Variants in SEMA5B observed in about 807,000 individuals in gnomAD.
SEMA5B encodes the protein semaphorin 5B.
In SEMA5B, 66 loss-of-function variants were observed where a neutral mutation model predicts 135.0. That is an observed-to-expected ratio of 0.49 (90% CI 0.40 to 0.60). The LOEUF (loss-of-function observed/expected upper bound fraction) is 0.60, where lower values mean the gene tolerates loss of function less well. Ranked by LOEUF, SEMA5B falls within the 20% of genes least tolerant of loss-of-function variation. The pLI is 0.00. For synonymous variants in SEMA5B, 690 were observed against 639.5 expected (o/e 1.08, Z -1.19); for missense variants, 1,501 against 1,566.3 (o/e 0.96, Z 0.70).
In SEMA5B at chr3:122,943,426, C is replaced by T; in HGVS notation, c.428+10G>A. 1 of 1,582,736 alleles carries T rather than the reference C, an allele frequency of 6.3e-7. No individual in the cohort carries two copies. The highest frequency in any genetic ancestry group is 8.6e-7 in the Non-Finnish European group (1 of 1,160,786). On this transcript the variant is annotated intron_variant, in intron 4 of 22. Coordinates refer to ENST00000357599, the MANE Select transcript of SEMA5B (RefSeq NM_001031702.4). ...GCACTTCCCACCCCGACCCTTCTGC[C>T]CCTTGTTACCTGGCTCCCACGATGA... is the stretch of plus-strand genomic sequence containing the variant.
At position 123,023,456 on chromosome 3, in the gene SEMA5B, C is replaced by T. The variant is rs111495286; in HGVS notation, c.-39+4008G>A. The stretch of plus-strand genomic sequence containing the variant: ...GATCTTTAAGTATAAGTAACACTCC[C>T]TCCAAGCACTTGTGCATCCCCAGAG... On this transcript the variant is annotated intron_variant, in intron 1 of 22. Transcript: ENST00000357599. 8.2e-3 allele frequency among the ~76,000 whole-genome samples: 1,253 copies of T among 152,300 alleles called. 16 individuals are homozygous for T. Among genetic ancestry groups the T allele is most frequent in the African/African-American group, 0.029 (1,189 of 41,546 alleles).
At chr3:122,966,882 T>TATA (rs1341699893) in intron 1 of SEMA5B, among the ~76,000 whole-genome samples, 2 of 142,080 alleles carry the variant, frequency 1.4e-5, no homozygotes, top group Non-Finnish European at 3.0e-5. Context: ...TTATTATTAT[T>TATA]ATTATTATTA....
intron 1 of SEMA5B, among the ~76,000 whole-genome samples, chr3:123,020,764 A>AT (rs1326376796): frequency 6.6e-6 from 1 of 152,126 alleles, no homozygotes; most frequent in African/African-American, 2.4e-5. Context: ...TCAAGTCTGT[A>AT]TTTTTTAAAG....
At chr3:122,932,708 T>C (rs1939042092) in intron 5 of SEMA5B, among the ~76,000 whole-genome samples, 2 of 152,090 alleles carry the variant, frequency 1.3e-5, no homozygotes, top group South Asian at 2.1e-4. Flanking sequence ...TTCCCACTTG[T>C]ATAGGTTTAT....
chr3:122,942,531 G>A (rs1397754046), intron 4 of SEMA5B, among the ~76,000 whole-genome samples: 1 of 152,280 alleles, frequency 6.6e-6, no homozygotes, highest in Admixed American at 6.5e-5. Flanking sequence ...CTCTAGGCCT[G>A]GGTTAAGGAG....
Position 122,913,548 on chromosome 3 carries a change from G to A in SEMA5B, c.2266C>T (p.Leu756=), listed in dbSNP as rs1560281966. 6.2e-7 allele frequency: 1 copy of A among 1,612,402 alleles called. No homozygotes were observed. Among genetic ancestry groups the A allele is most frequent in the Non-Finnish European group, 8.5e-7 (1 of 1,179,796 alleles). Reference sequence around the variant, plus strand: ...CCAACCCTCACCACGCCGCAGCCCAGGCAGGAGTTGCCGTTCTCGCAGGCC... The same window carrying A: ...CCAACCCTCACCACGCCGCAGCCCAAGCAGGAGTTGCCGTTCTCGCAGGCC... ...RRACENGNSC[L]GCGVEFKTCN... The change falls in exon 16 of 23, where the codon CTG becomes TTG. Residue 756 remains leucine, a synonymous_variant. Coordinates refer to ENST00000357599, the MANE Select transcript of SEMA5B (RefSeq NM_001031702.4).
intron 1 of SEMA5B, among the ~76,000 whole-genome samples, chr3:122,968,769 T>G (rs9869820): frequency 6.6e-6 from 1 of 152,054 alleles, no homozygotes; most frequent in Non-Finnish European, 1.5e-5. Flanking sequence ...TCAGCTGGGT[T>G]TGGTACCCAT....
rs146927861 is a variant in SEMA5B at position 122,927,280 on chromosome 3, A to G, written c.850+510T>C. Among the ~76,000 whole-genome samples the G allele has an allele frequency of 3.0e-3, 462 of 152,294 alleles. 2 individuals carry two copies. The highest frequency in any genetic ancestry group is 9.3e-3 in the African/African-American group (387 of 41,558). ...TAGCTCACTGCAGTCTCAAACTCCTAGGCTCAGGGCATCCTATCACCTCAG... is the reference window on the plus strand; with the variant it reads ...TAGCTCACTGCAGTCTCAAACTCCTGGGCTCAGGGCATCCTATCACCTCAG... On this transcript the variant is annotated intron_variant, in intron 8 of 22. Transcript: ENST00000357599.
At chr3:122,946,007 C>T (rs1939777313) in intron 3 of SEMA5B, among the ~76,000 whole-genome samples, 1 of 152,080 alleles carries the variant, frequency 6.6e-6, no homozygotes, top group Non-Finnish European at 1.5e-5. Flanking sequence ...TTAAACAGGC[C>T]AAGGGGACCA....
intron 4 of SEMA5B, among the ~76,000 whole-genome samples, 166 bp from the exon 5 acceptor site, chr3:122,939,636 C>G (rs1013415755): frequency 6.6e-6 from 1 of 152,190 alleles, no homozygotes; most frequent in Non-Finnish European, 1.5e-5. Context: ...AATCTTCACA[C>G]AACCCTGGGA....
At chr3:122,995,348 C>A (rs1451826579) in intron 1 of SEMA5B, among the ~76,000 whole-genome samples, 1 of 152,020 alleles carries the variant, frequency 6.6e-6, no homozygotes, top group African/African-American at 2.4e-5. Flanking sequence ...CTCCAGAGAC[C>A]AAAAGGTAAG....
intron 1 of SEMA5B, among the ~76,000 whole-genome samples, chr3:123,008,006 G>A (rs924522010): frequency 1.3e-5 from 2 of 152,234 alleles, no homozygotes; most frequent in Non-Finnish European, 2.9e-5. Context: ...GCTTTCATAT[G>A]TGTATATTTA....
Position 122,912,924 on chromosome 3 carries a change from T to C in SEMA5B, c.2644A>G (p.Asn882Asp). The C allele has an allele frequency of 6.2e-7, 1 of 1,612,376 alleles. No individual in the cohort carries two copies. Among genetic ancestry groups the C allele is most frequent in the Non-Finnish European group, 8.5e-7 (1 of 1,179,316 alleles). ...AGGCCCCCGTTGCGGGGCTCCGGGT[T>C]AGTGCACGTTCTCTTGCGGACGCGG... is the stretch of plus-strand genomic sequence containing the variant. ...GFRVRKRTCT[N>D]PEPRNGGLPC... Residue 882 changes from asparagine (N) to aspartate (D), a missense_variant, in exon 18 of 23, where the codon AAC becomes GAC. This residue lies in a region of SEMA5B where 927 missense variants were observed against 881.6 expected (regional missense o/e 1.05). Coordinates refer to ENST00000357599, the MANE Select transcript of SEMA5B (RefSeq NM_001031702.4).
At chr3:123,024,194 C>T (rs776228105) in intron 1 of SEMA5B, among the ~76,000 whole-genome samples, 1 of 152,176 alleles carries the variant, frequency 6.6e-6, no homozygotes, top group Non-Finnish European at 1.5e-5. Flanking sequence ...AGACTAAGCA[C>T]GGGAGTGTTA....
intron 1 of SEMA5B, among the ~76,000 whole-genome samples, chr3:123,025,717 C>T (rs973453317): frequency 2.0e-5 from 3 of 152,196 alleles, no homozygotes; most frequent in African/African-American, 7.2e-5. Context: ...CCAGAGGCAG[C>T]CCTGCCCCGA....
chr3:123,020,741 A>T (rs1942656277), intron 1 of SEMA5B, among the ~76,000 whole-genome samples: 1 of 152,222 alleles, frequency 6.6e-6, no homozygotes, highest in Admixed American at 6.5e-5. Context: ...ATTAAGGTCT[A>T]GGATAGGGCT....
intron 1 of SEMA5B, among the ~76,000 whole-genome samples, chr3:122,980,491 G>T (rs924958581): frequency 6.6e-6 from 1 of 150,376 alleles, no homozygotes; most frequent in Non-Finnish European, 1.5e-5. Context: ...CCAAGGAAGC[G>T]CTCCCTGTTT....
intron 1 of SEMA5B, chr3:123,026,955 AGGC>A: frequency 1.3e-5 from 2 of 154,114 alleles, no homozygotes; most frequent in Non-Finnish European, 2.9e-5. Flanking sequence ...GCGGCTCCGC[AGGC>A]GGCGGCGGTG....
chr3:122,910,359 C>T, intron 22 of SEMA5B, 58 bp from the exon 23 acceptor site: 1 of 1,577,478 alleles, frequency 6.3e-7, no homozygotes, highest in South Asian at 1.2e-5. Context: ...GGGAAGGGAA[C>T]AGGCCAGAGC....
Sources: allele counts gnomAD v4.1 joint callset (sites outside exome capture counted in the v4.1 genomes callset), GRCh38; gene constraint gnomAD v4.1.1; regional missense constraint gnomAD v4.1.1; transcripts MANE v1.5; gene names NCBI Gene and HGNC (gene_info 2026-07-23, HGNC 2026-07-21).